The following IQCK variants were observed in gnomAD, a reference collection of about 807,000 sequenced individuals.
The protein encoded by IQCK is IQ domain-containing protein K.
A neutral mutation model predicts 28.1 loss-of-function variants in IQCK; 29 were observed. That is an observed-to-expected ratio of 1.03 (90% confidence interval 0.77 to 1.41). IQCK has a LOEUF of 1.41. IQCK is among the 40% of genes most tolerant of loss of function. The probability of loss-of-function intolerance (pLI) is 0.00; values close to 1 mark genes in which losing one functional copy is unlikely to be tolerated. For missense variants in IQCK, 359 were observed against 314.7 expected, an observed-to-expected ratio of 1.14 and a Z score of -1.07; for synonymous variants, 113 against 115.1, an observed-to-expected ratio of 0.98 and a Z score of 0.12.
exon 3 of IQCK, chr16:19,733,827 T>C (rs201983239): frequency 1.4e-4 from 223 of 1,613,748 alleles, no homozygotes; most frequent in Non-Finnish European, 1.7e-4. Context: ...CCCAAAAACA[T>C]GTGAGTAAGA....
intron 6 of IQCK, among the ~76,000 whole-genome samples, chr16:19,785,990 C>A (rs973611952): frequency 6.6e-6 from 1 of 152,156 alleles, no homozygotes; most frequent in Non-Finnish European, 1.5e-5. Context: ...CAGTGACACC[C>A]GCAGGGCCGG....
intron 9 of IQCK, among the ~76,000 whole-genome samples, chr16:19,854,935 T>A (rs190089169): frequency 2.6e-5 from 4 of 152,230 alleles, no homozygotes; most frequent in African/African-American, 9.6e-5. Flanking sequence ...GGTATATACC[T>A]TGAAAAAATG....
At chr16:19,824,607 G>A (rs906018402) in intron 7 of IQCK, among the ~76,000 whole-genome samples, 24 of 152,180 alleles carry the variant, frequency 1.6e-4, no homozygotes, top group African/African-American at 5.8e-4. Context: ...CATTTCTCAG[G>A]TTGTCTCACA....
In IQCK at chr16:19,721,699, C is replaced by T. The variant is rs538769740; in HGVS notation, c.181+3212C>T. On this transcript the variant is annotated intron_variant, in intron 1 of 7. Coordinates refer to ENST00000564186, the Ensembl canonical transcript of IQCK. ...CTCCCAGATTCAAGCAATTCTCCTGCTTCAGCCTCCCAAATAGCTGGGATT... is the reference window on the plus strand; with the variant it reads ...CTCCCAGATTCAAGCAATTCTCCTGTTTCAGCCTCCCAAATAGCTGGGATT... Among the ~76,000 whole-genome samples, 5 of 151,914 alleles carry T rather than the reference C, an allele frequency of 3.3e-5. No homozygotes were observed. In the East Asian group the frequency reaches 7.8e-4, roughly 24 times the overall value.
intron 6 of IQCK, among the ~76,000 whole-genome samples, chr16:19,766,904 C>T (rs950623542): frequency 2.0e-5 from 3 of 152,152 alleles, no homozygotes; most frequent in Admixed American, 6.5e-5. Flanking sequence ...ACCCCATCTC[C>T]GCTAAAAATA....
At chr16:19,781,520 C>T (rs1177053179) in intron 6 of IQCK, among the ~76,000 whole-genome samples, 1 of 152,144 alleles carries the variant, frequency 6.6e-6, no homozygotes, top group African/African-American at 2.4e-5. Flanking sequence ...ATGCTTTAGG[C>T]TACAGAGAGT....
chr16:19,775,795 G>A (rs930348667), intron 6 of IQCK, among the ~76,000 whole-genome samples: 1 of 150,310 alleles, frequency 6.7e-6, no homozygotes, highest in African/African-American at 2.5e-5. Context: ...AGCCAGTTGC[G>A]GGGGAGGCAG....
intron 7 of IQCK, among the ~76,000 whole-genome samples, chr16:19,802,706 C>G (rs893741799): frequency 6.6e-6 from 1 of 151,906 alleles, no homozygotes; most frequent in African/African-American, 2.4e-5. Flanking sequence ...TTTTCTGCTC[C>G]TATACTTTTG....
At chr16:19,735,214 A>G in intron 3 of IQCK, 139 bp from the exon 4 acceptor site, 1 of 639,256 alleles carries the variant, frequency 1.6e-6, no homozygotes, top group Non-Finnish European at 2.8e-6. Context: ...CCAGCTCTGT[A>G]GTCTGGAGCA....
exon 10 of IQCK, chr16:19,857,461 A>G (rs1298215267): frequency 1.1e-5 from 5 of 442,472 alleles, no homozygotes; most frequent in Admixed American, 5.1e-5. Flanking sequence ...TAAGTATGCA[A>G]CAGTCAGCCG....
At chr16:19,734,223 G>T (rs976363676) in intron 3 of IQCK, among the ~76,000 whole-genome samples, 1 of 152,030 alleles carries the variant, frequency 6.6e-6, no homozygotes, top group Admixed American at 6.6e-5. Context: ...ATCACTGGAT[G>T]CAGTGGCTCA....
At chr16:19,746,476 C>G (rs892334205) in intron 4 of IQCK, among the ~76,000 whole-genome samples, 3 of 152,190 alleles carry the variant, frequency 2.0e-5, no homozygotes, top group African/African-American at 7.2e-5. Context: ...CCTACTGTGT[C>G]TCATGGTGAT....
intron 9 of IQCK, among the ~76,000 whole-genome samples, chr16:19,856,178 G>A (rs937628142): frequency 7.9e-5 from 12 of 152,230 alleles, no homozygotes; most frequent in African/African-American, 2.2e-4. Context: ...ATCTGTCATC[G>A]TCTTTAGTAA....
intron 9 of IQCK, among the ~76,000 whole-genome samples, chr16:19,832,413 T>A (rs977751861): frequency 6.6e-6 from 1 of 152,162 alleles, no homozygotes; most frequent in East Asian, 1.9e-4. Flanking sequence ...GGAAATGAAT[T>A]GTCTACTTTT....
chr16:19,725,174 C>T (rs994857039), intron 1 of IQCK, among the ~76,000 whole-genome samples: 2 of 152,150 alleles, frequency 1.3e-5, no homozygotes, highest in African/African-American at 2.4e-5. Flanking sequence ...AACATTTATA[C>T]ATTTAATATA....
At chr16:19,755,572 T>C (rs554124294) in intron 4 of IQCK, among the ~76,000 whole-genome samples, 2 of 152,292 alleles carry the variant, frequency 1.3e-5, no homozygotes, top group South Asian at 2.1e-4. Context: ...AAAGGAGCCA[T>C]GGCCAAGGAG....
chr16:19,847,220 T>C (rs2056424322), intron 9 of IQCK, among the ~76,000 whole-genome samples: 1 of 152,248 alleles, frequency 6.6e-6, no homozygotes, highest in African/African-American at 2.4e-5. Context: ...ATTAATTCTA[T>C]GATATTGTCC....
intron 9 of IQCK, among the ~76,000 whole-genome samples, chr16:19,838,003 T>G (rs2056318429): frequency 6.6e-6 from 1 of 152,262 alleles, no homozygotes; most frequent in Non-Finnish European, 1.5e-5. Context: ...GACCTTGTTT[T>G]CTGCTTTGAA....
At chr16:19,723,541 C>T (rs1366176579) in intron 1 of IQCK, among the ~76,000 whole-genome samples, 8 of 152,120 alleles carry the variant, frequency 5.3e-5, no homozygotes, top group Non-Finnish European at 1.2e-4. Context: ...GCGGCAGGGT[C>T]GGCTTCAAAC....
Sources: allele counts gnomAD v4.1 joint callset (sites outside exome capture counted in the v4.1 genomes callset), GRCh38; gene constraint gnomAD v4.1.1; transcripts MANE v1.5; gene names NCBI Gene and HGNC (gene_info 2026-07-23, HGNC 2026-07-21).